The following ATF7IP2 variants were observed in gnomAD, a reference collection of about 807,000 sequenced individuals.
The protein encoded by ATF7IP2 is activating transcription factor 7-interacting protein 2.
Under a neutral mutation model 64.2 loss-of-function variants are expected in ATF7IP2, and 42 were observed. The observed-to-expected ratio is 0.65, with a 90% CI of 0.51 to 0.85. ATF7IP2 has a LOEUF of 0.85. Ranked by LOEUF, ATF7IP2 falls within the 40% of genes least tolerant of loss-of-function variation. The pLI is 0.00. For missense variants in ATF7IP2, 933 were observed against 784.2 expected (o/e 1.19, Z -2.27); for synonymous variants, 308 against 272.8 (o/e 1.13, Z -1.27).
intron 8 of ATF7IP2, among the ~76,000 whole-genome samples, chr16:10,456,257 A>C (rs1202123542): frequency 2.0e-5 from 3 of 152,172 alleles, no homozygotes; most frequent in Non-Finnish European, 4.4e-5. Context: ...CCAGGACTTA[A>C]TGATTTAGGC....
chr16:10,441,938 C>A (rs1298912390), intron 8 of ATF7IP2, among the ~76,000 whole-genome samples: 2 of 152,214 alleles, frequency 1.3e-5, no homozygotes, highest in African/African-American at 4.8e-5. Context: ...CAGAAAGGTG[C>A]TGCCTGCATC....
chr16:10,456,725 C>T (rs969226841), intron 8 of ATF7IP2, among the ~76,000 whole-genome samples: 1 of 152,134 alleles, frequency 6.6e-6, no homozygotes, highest in Admixed American at 6.6e-5. Context: ...GAGCACCCAA[C>T]TGATAGTGCT....
At chr16:10,461,494 G>C (rs117225857) in intron 9 of ATF7IP2, among the ~76,000 whole-genome samples, 7 of 152,028 alleles carry the variant, frequency 4.6e-5, no homozygotes, top group African/African-American at 1.4e-4. Context: ...AAATCTATAC[G>C]GTGGAATGTT....
At chr16:10,386,391 C>T (rs1341206277) in intron 1 of ATF7IP2, 1 of 152,298 alleles carries the variant, frequency 6.6e-6, no homozygotes, top group Non-Finnish European at 1.5e-5. Context: ...GGCCTCAGGT[C>T]CGGGCGGCAC....
intron 9 of ATF7IP2, among the ~76,000 whole-genome samples, chr16:10,462,424 A>T (rs2049405068): frequency 6.6e-6 from 1 of 151,998 alleles, no homozygotes; most frequent in Non-Finnish European, 1.5e-5. Flanking sequence ...TTTTATCCGG[A>T]AATGACTTCA....
At chr16:10,453,035 C>G (rs1184744285) in intron 8 of ATF7IP2, among the ~76,000 whole-genome samples, 1 of 152,158 alleles carries the variant, frequency 6.6e-6, no homozygotes, top group Non-Finnish European at 1.5e-5. Context: ...GTGGGTGGGA[C>G]CTGCCGAGCC....
chr16:10,412,336 C>T (rs2047787422), intron 1 of ATF7IP2, among the ~76,000 whole-genome samples: 1 of 151,958 alleles, frequency 6.6e-6, no homozygotes, highest in African/African-American at 2.4e-5. Context: ...TCCTCCTAGC[C>T]CCGCCTTTGC....
rs1381373439 is a variant in ATF7IP2 at position 10,441,040 on chromosome 16, T to G, written c.1194+578T>G. ...TCTCGTGTTAGTTTGCTGAGAATGA[T>G]GGTTTTCAGCTTCATCCATGTCGCT... On this transcript the variant is annotated intron_variant, in intron 8 of 13. Transcript: ENST00000562102. 2.8e-4 allele frequency among the ~76,000 whole-genome samples: 42 copies of G among 152,190 alleles called. 1 individual carries two copies. The highest frequency in any genetic ancestry group is 2.7e-3 in the Admixed American group (42 of 15,284).
intron 9 of ATF7IP2, among the ~76,000 whole-genome samples, chr16:10,465,622 C>T (rs1251056922): frequency 6.7e-6 from 1 of 149,692 alleles, no homozygotes; most frequent in African/African-American, 2.5e-5. Context: ...ACCTGTAGTC[C>T]CAGCTACTCA....
chr16:10,446,678 T>G (rs1371137038), intron 8 of ATF7IP2: 3 of 152,214 alleles, frequency 2.0e-5, no homozygotes, highest in South Asian at 4.1e-4. Context: ...TTTTCTTGTG[T>G]TTAGTCCTTT....
At chr16:10,393,417 G>A (rs1015304841) in intron 1 of ATF7IP2, among the ~76,000 whole-genome samples, 3 of 151,726 alleles carry the variant, frequency 2.0e-5, no homozygotes, top group African/African-American at 7.3e-5. Flanking sequence ...AAAGTGAAAG[G>A]CAGACATAAA....
intron 8 of ATF7IP2, among the ~76,000 whole-genome samples, chr16:10,442,723 C>T (rs1010877980): frequency 6.6e-6 from 1 of 151,990 alleles, no homozygotes; most frequent in Admixed American, 6.6e-5. Flanking sequence ...ACGATACAGA[C>T]TCCATCTTTT....
chr16:10,414,101 G>C (rs1326455494), intron 1 of ATF7IP2, among the ~76,000 whole-genome samples: 2 of 152,114 alleles, frequency 1.3e-5, no homozygotes, highest in Admixed American at 1.3e-4. Context: ...GGTGTTCTTT[G>C]AGCTTACTGT....
chr16:10,430,514 T>C (rs917353405), intron 4 of ATF7IP2, 97 bp from the exon 5 acceptor site: 1 of 693,876 alleles, frequency 1.4e-6, no homozygotes, highest in Non-Finnish European at 2.4e-6. Flanking sequence ...ACAGTGTCAA[T>C]GTTATTTTAA....
chr16:10,434,724 A>G (rs912855713), intron 6 of ATF7IP2, among the ~76,000 whole-genome samples: 1 of 152,214 alleles, frequency 6.6e-6, no homozygotes, highest in East Asian at 1.9e-4. Context: ...GGACCATGTT[A>G]TTCAAGAAGA....
intron 8 of ATF7IP2, among the ~76,000 whole-genome samples, chr16:10,451,445 G>C (rs1489912582): frequency 1.3e-5 from 2 of 151,994 alleles, no homozygotes; most frequent in African/African-American, 4.8e-5. Flanking sequence ...GTCACTTTCG[G>C]GTACAACAAT....
At position 10,482,422 on chromosome 16, in the gene ATF7IP2, T is replaced by TA; in HGVS notation, c.*174dup. The stretch of plus-strand genomic sequence containing the variant: ...AGTAATTTAATGAATTTCTGGTTTG[T>TA]ATTAAATATGTCCTTCCAATGGATA... On this transcript the variant is annotated 3_prime_UTR_variant, in exon 14 of 14. Coordinates refer to ENST00000562102, the MANE Select transcript of ATF7IP2 (RefSeq NM_001393719.1). 1 of 545,928 alleles carries TA rather than the reference T, an allele frequency of 1.8e-6. No individual in the cohort carries two copies. The highest frequency in any genetic ancestry group is 3.2e-6 in the Non-Finnish European group (1 of 315,228). The allele number at this position is 545,928 out of a possible 1,614,324, so 33.8% of individuals were successfully genotyped here. A position where few individuals can be genotyped will look rare whatever the true frequency, so the allele number is the denominator to read the frequency against.
intron 2 of ATF7IP2, 50 bp downstream of exon 2, chr16:10,414,662 T>TGTGTGTGTGTG (rs2047834986): frequency 3.0e-5 from 1 of 32,896 alleles, no homozygotes; most frequent in African/African-American, 3.0e-4. Flanking sequence ...TGTGTGTGTG[T>TGTGTGTGTGTG]TTGGGCGGGG....
intron 7 of ATF7IP2, 93 bp downstream of exon 7, chr16:10,438,328 T>G (rs2048491382): frequency 1.5e-6 from 2 of 1,307,552 alleles, no homozygotes; most frequent in Non-Finnish European, 2.0e-6. Context: ...CACTGCAGCC[T>G]CTGCCTTCTG....
Sources: gnomAD v4.1 joint callset for allele counts (sites outside exome capture counted in the v4.1 genomes callset) on GRCh38, gnomAD v4.1.1 for gene constraint, MANE v1.5 for transcripts, NCBI Gene and HGNC (gene_info 2026-07-23, HGNC 2026-07-21) for gene names.